The following GDA variants were observed in gnomAD, a reference collection of about 807,000 sequenced individuals.
The protein encoded by GDA is guanine deaminase.
Under a neutral mutation model 59.6 loss-of-function variants are expected in GDA, and 18 were observed. The ratio of observed to expected loss-of-function variants is 0.30; its 90% CI spans 0.21 to 0.45. The LOEUF is 0.45. Among genes scored for constraint, GDA ranks in the 20% least tolerant of loss-of-function variants. The pLI, the probability that GDA is intolerant of heterozygous loss-of-function variation, is 1.00. For missense variants in GDA, 427 were observed against 552.3 expected (o/e 0.77, Z 2.27); for synonymous variants, 201 against 201.1 (o/e 1.00, Z 0.00).
At position 72,250,600 on chromosome 9, in the gene GDA, A is replaced by T. The variant is rs974261321; in HGVS notation, c.*2258A>T. On this transcript the variant is annotated 3_prime_UTR_variant, in exon 14 of 14. Transcript: ENST00000358399. ...TTATGTATGCTTTTTTTTCTGTACC[A>T]CAGGCATTATCTATACCTGGGGCCA... The T allele has an allele frequency of 6.5e-7, 1 of 1,531,842 alleles. No individual in the cohort carries two copies. Among genetic ancestry groups the T allele is most frequent in the African/African-American group, 1.4e-5 (1 of 71,732 alleles). The allele number at this position is 1,531,842 out of a possible 1,614,324, so 94.9% of individuals were successfully genotyped here.
intron 1 of GDA, among the ~76,000 whole-genome samples, chr9:72,180,493 G>T (rs1216261233): frequency 6.6e-6 from 1 of 152,160 alleles, no homozygotes; most frequent in Non-Finnish European, 1.5e-5. Flanking sequence ...AATTGATACT[G>T]CCTTTCAGTT....
upstream of GDA, among the ~76,000 whole-genome samples, chr9:72,144,490 A>G (rs1249076060): frequency 6.6e-6 from 1 of 152,244 alleles, no homozygotes; most frequent in Admixed American, 6.5e-5. Context: ...TATAGGTAAG[A>G]CAATATCTGT....
At chr9:72,173,791 T>C (rs549343720) in intron 1 of GDA, among the ~76,000 whole-genome samples, 1 of 152,298 alleles carries the variant, frequency 6.6e-6, no homozygotes, top group East Asian at 1.9e-4. Context: ...ATAGTTCTGT[T>C]CTTTTGTCCT....
At chr9:72,243,589 A>C (rs2131814055) in intron 11 of GDA, among the ~76,000 whole-genome samples, 1 of 152,324 alleles carries the variant, frequency 6.6e-6, no homozygotes, top group South Asian at 2.1e-4. Flanking sequence ...AATTAGTAGA[A>C]GTCACCTGGC....
In GDA at chr9:72,248,595, A is replaced by G. The variant is rs932322545; in HGVS notation, c.*253A>G. ...GCTGCTCAGACTTACTTTAAGCTCA[A>G]ACAGAAGGGAATGCTATTACTGGTG... On this transcript the variant is annotated 3_prime_UTR_variant, in exon 14 of 14. Coordinates refer to ENST00000358399, the MANE Select transcript of GDA (RefSeq NM_004293.5). 2.4e-6 allele frequency: 3 copies of G among 1,251,540 alleles called. No individual in the cohort carries two copies. Among genetic ancestry groups the G allele is most frequent in the Non-Finnish European group, 3.0e-6 (3 of 995,092 alleles). The allele number at this position is 1,251,540 out of a possible 1,614,324, so 77.5% of individuals were successfully genotyped here.
At chr9:72,144,725 G>C (rs1826560370), upstream of GDA, among the ~76,000 whole-genome samples, 1 of 152,068 alleles carries the variant, frequency 6.6e-6, no homozygotes, top group African/African-American at 2.4e-5. Flanking sequence ...AGTAGTTTTG[G>C]GGGGCCGAGG....
chr9:72,142,862 G>A (rs1182977169), intron 1 of GDA, among the ~76,000 whole-genome samples: 61 of 143,174 alleles, frequency 4.3e-4, no homozygotes, highest in Middle Eastern at 4.3e-3. Flanking sequence ...TCTGCCTCCT[G>A]GGTTCAAGCG....
chr9:72,212,959 G>A (rs2131457241), intron 4 of GDA, among the ~76,000 whole-genome samples: 1 of 152,198 alleles, frequency 6.6e-6, no homozygotes, highest in African/African-American at 2.4e-5. Flanking sequence ...TAAGCAAAGG[G>A]AAAAACTGAA....
chr9:72,191,265 T>C (rs1832505780), intron 1 of GDA, among the ~76,000 whole-genome samples: 2 of 152,170 alleles, frequency 1.3e-5, no homozygotes, highest in African/African-American at 4.8e-5. Flanking sequence ...CTGTGCTGCG[T>C]GCCTTGTTCC....
chr9:72,152,053 G>A (rs1466646342), intron 1 of GDA, among the ~76,000 whole-genome samples: 1 of 152,162 alleles, frequency 6.6e-6, no homozygotes, highest in African/African-American at 2.4e-5. Context: ...CCAGAAAGTG[G>A]CATTCCAACA....
Position 72,250,848 on chromosome 9 carries a change from A to G in GDA, c.*2506A>G. 3 of 1,607,388 alleles carry G rather than the reference A, an allele frequency of 1.9e-6. No homozygotes were observed. The highest frequency in any genetic ancestry group is 1.1e-5 in the South Asian group (1 of 90,774). ...ACGGAATACACTTTGAAAGGTAAAA[A>G]CAATTCAAAAGTATCGATTATCATA... On this transcript the variant is annotated 3_prime_UTR_variant, in exon 14 of 14. Transcript: ENST00000358399.
chr9:72,218,103 G>C (rs1340943116), intron 5 of GDA, among the ~76,000 whole-genome samples: 1 of 152,022 alleles, frequency 6.6e-6, no homozygotes, highest in Non-Finnish European at 1.5e-5. Flanking sequence ...TAGTAGAGAT[G>C]AGGTTTTGCT....
chr9:72,211,159 A>T (rs1452566135), intron 4 of GDA, among the ~76,000 whole-genome samples: 1 of 152,196 alleles, frequency 6.6e-6, no homozygotes, highest in Non-Finnish European at 1.5e-5. Flanking sequence ...TATTGGCTAG[A>T]GTCAGGGCAC....
intron 1 of GDA, among the ~76,000 whole-genome samples, chr9:72,119,819 A>G (rs530299055): frequency 4.6e-5 from 7 of 152,214 alleles, no homozygotes; most frequent in African/African-American, 1.7e-4. Context: ...AAGCACAGAG[A>G]ACCAATTAGT....
intron 2 of GDA, among the ~76,000 whole-genome samples, chr9:72,198,602 G>T (rs1833506329): frequency 6.6e-6 from 1 of 151,584 alleles, no homozygotes; most frequent in East Asian, 1.9e-4. Context: ...AAGACAAGAT[G>T]TTGTTTGTTT....
chr9:72,138,631 TG>T (rs1213858442), intron 1 of GDA, among the ~76,000 whole-genome samples: 1 of 152,204 alleles, frequency 6.6e-6, no homozygotes, highest in African/African-American at 2.4e-5. Flanking sequence ...GATGGGTCGA[TG>T]GAGTATGCAG....
intron 1 of GDA, among the ~76,000 whole-genome samples, chr9:72,164,306 G>A (rs1005387671): frequency 2.0e-5 from 3 of 152,174 alleles, no homozygotes; most frequent in Non-Finnish European, 4.4e-5. Context: ...TGTCATAGAA[G>A]GCAAGAGATG....
At chr9:72,225,974 TTAGAG>T (rs1218249229) in intron 8 of GDA, among the ~76,000 whole-genome samples, 190 bp downstream of exon 8, 1 of 150,308 alleles carries the variant, frequency 6.7e-6, no homozygotes, top group African/African-American at 2.5e-5. Flanking sequence ...ATTTCTTAAA[TTAGAG>T]TAAAGCCTAG....
chr9:72,200,223 C>A lies in GDA; in HGVS notation c.213-2348C>A, dbSNP rs1587613173. 2.0e-5 allele frequency among the ~76,000 whole-genome samples: 3 copies of A among 151,966 alleles called. No homozygotes were observed. In the South Asian group the frequency reaches 6.2e-4, roughly 32 times the overall value. ...GTGTTAGCCAGGATGGTCTCGATCT[C>A]CTGACCTCGTGATCTGCCCGCCTTG... On this transcript the variant is annotated intron_variant, in intron 2 of 13. Transcript: ENST00000358399.
Sources: allele counts gnomAD v4.1 joint callset (sites outside exome capture counted in the v4.1 genomes callset), GRCh38; gene constraint gnomAD v4.1.1; transcripts MANE v1.5; gene names NCBI Gene and HGNC (gene_info 2026-07-23, HGNC 2026-07-21).